SUCLG2: variants seen among roughly 807,000 people sequenced by gnomAD.
SUCLG2 encodes succinate--CoA ligase [GDP-forming] subunit beta, mitochondrial.
Under a neutral mutation model 47.9 loss-of-function variants are expected in SUCLG2, and 42 were observed. That is an observed-to-expected ratio of 0.88 (90% confidence interval 0.69 to 1.14). The LOEUF (loss-of-function observed/expected upper bound fraction) is 1.14, where lower values mean the gene tolerates loss of function less well. Ranked by LOEUF, SUCLG2 falls within the 50% of genes most tolerant of loss-of-function variation. The pLI is 0.00. For missense variants in SUCLG2, 571 were observed against 525.9 expected, an observed-to-expected ratio of 1.09 and a Z score of -0.84; for synonymous variants, 195 against 197.3, an observed-to-expected ratio of 0.99 and a Z score of 0.10.
intron 6 of SUCLG2, among the ~76,000 whole-genome samples, chr3:67,517,689 C>T (rs1167947029): frequency 1.3e-5 from 2 of 152,172 alleles, no homozygotes; most frequent in Admixed American, 1.3e-4. Context: ...TTAAGCTGTT[C>T]TCAATAAAAT....
At chr3:67,547,965 G>T (rs1264167321) in intron 2 of SUCLG2, among the ~76,000 whole-genome samples, 1 of 152,130 alleles carries the variant, frequency 6.6e-6, no homozygotes, top group Non-Finnish European at 1.5e-5. Flanking sequence ...AAACAAAATC[G>T]CCTCATTCTC....
At chr3:67,568,822 GC>G (rs1319683732) in intron 2 of SUCLG2, among the ~76,000 whole-genome samples, 5 of 152,174 alleles carry the variant, frequency 3.3e-5, no homozygotes, top group Non-Finnish European at 7.3e-5. Context: ...GGGAGGCGGA[GC>G]TTGCAGTGAG....
chr3:67,540,261 T>C (rs1346723885), intron 2 of SUCLG2, among the ~76,000 whole-genome samples: 1 of 152,052 alleles, frequency 6.6e-6, no homozygotes, highest in African/African-American at 2.4e-5. Flanking sequence ...GTACGTTGTG[T>C]CTTTGTTCTC....
Position 67,515,380 on chromosome 3 carries a change from T to TA in SUCLG2, c.660+2866dup, listed in dbSNP as rs572892341. Among the ~76,000 whole-genome samples, 551 of 152,322 alleles carry TA rather than the reference T, an allele frequency of 3.6e-3. 2 individuals carry two copies. Among genetic ancestry groups the TA allele is most frequent in the African/African-American group, 0.013 (526 of 41,576 alleles). On this transcript the variant is annotated intron_variant, in intron 6 of 10. Coordinates refer to ENST00000307227, the MANE Select transcript of SUCLG2 (RefSeq NM_003848.4). ...TACTATATTAAGCTTTCCTATGTCT[T>TA]AACGTTTTTCAACAAATTCTCACAG...
chr3:67,473,882 A>G (rs1259361506), intron 9 of SUCLG2, among the ~76,000 whole-genome samples: 1 of 152,184 alleles, frequency 6.6e-6, no homozygotes, highest in Non-Finnish European at 1.5e-5. Flanking sequence ...CTCTTCTCTG[A>G]AGGAGGCTAC....
At chr3:67,462,463 C>G (rs1215686036) in intron 9 of SUCLG2, among the ~76,000 whole-genome samples, 2 of 152,060 alleles carry the variant, frequency 1.3e-5, no homozygotes, top group African/African-American at 4.8e-5. Context: ...TCAATCATGC[C>G]CATCCAATGG....
intron 4 of SUCLG2, among the ~76,000 whole-genome samples, chr3:67,524,128 CAG>C (rs1227438163): frequency 5.9e-5 from 9 of 152,130 alleles, no homozygotes; most frequent in Admixed American, 3.3e-4. Context: ...CCGAGGATGA[CAG>C]AGTATATTAG....
At chr3:67,475,540 T>A (rs1159243193) in intron 9 of SUCLG2, among the ~76,000 whole-genome samples, 1 of 152,190 alleles carries the variant, frequency 6.6e-6, no homozygotes, top group Non-Finnish European at 1.5e-5. Flanking sequence ...TGAAATGTCC[T>A]ATTATAAGTT....
chr3:67,399,100 A>C (rs1702623345), intron 10 of SUCLG2, among the ~76,000 whole-genome samples: 1 of 151,390 alleles, frequency 6.6e-6, no homozygotes, highest in African/African-American at 2.4e-5. Flanking sequence ...GCAGCACACC[A>C]GCATGGCACA....
chr3:67,506,957 G>C (rs77215102), intron 7 of SUCLG2, among the ~76,000 whole-genome samples: 2,484 of 152,320 alleles, frequency 0.016, 68 homozygotes, highest in African/African-American at 0.057. Context: ...GCTGGACTCA[G>C]AGGGACATGG....
chr3:67,447,485 CA>C (rs1400789566), intron 9 of SUCLG2, among the ~76,000 whole-genome samples: 4 of 152,072 alleles, frequency 2.6e-5, no homozygotes, highest in African/African-American at 9.7e-5. Context: ...ATTATGCCCA[CA>C]ATCTGGGGGT....
At chr3:67,533,134 A>G (rs1191140503) in intron 2 of SUCLG2, among the ~76,000 whole-genome samples, 1 of 152,252 alleles carries the variant, frequency 6.6e-6, no homozygotes, top group Non-Finnish European at 1.5e-5. Context: ...TCAGAGCCAT[A>G]ATAGGAATCA....
intron 9 of SUCLG2, among the ~76,000 whole-genome samples, chr3:67,454,494 G>A (rs73836524): frequency 0.052 from 7,962 of 151,944 alleles, 261 homozygotes; most frequent in East Asian, 0.12. Context: ...TGCCATATTT[G>A]CTTTCTCCCT....
At position 67,360,679 on chromosome 3, in the gene SUCLG2, C is replaced by T. The variant is rs902320; in HGVS notation, c.1273G>A (p.Val425Ile). 391,808 of 1,519,890 alleles carry T rather than the reference C, an allele frequency of 0.26. 51,862 individuals carry two copies. The highest frequency in any genetic ancestry group is 0.27 in the Non-Finnish European group (302,484 of 1,136,452). The allele number at this position is 1,519,890 out of a possible 1,614,324, so 94.2% of individuals were successfully genotyped here. A position where few individuals can be genotyped will look rare whatever the true frequency, so the allele number is the denominator to read the frequency against. ...CACTTACTCAGATTTTGGTGGGCGA[C>T]GTTCTCTTGGATACCAGTTATATTC... The change falls in exon 11 of 11, where the codon GTC (valine) becomes ATC (isoleucine). Residue 425 changes from valine (V) to isoleucine (I), a missense_variant. Transcript: ENST00000493112.
intron 9 of SUCLG2, among the ~76,000 whole-genome samples, chr3:67,488,980 G>C (rs1705135301): frequency 6.6e-6 from 1 of 152,122 alleles, no homozygotes; most frequent in Non-Finnish European, 1.5e-5. Context: ...ATTAAAACCT[G>C]GATTTTGAAG....
At chr3:67,415,608 C>G (rs1703022494) in intron 9 of SUCLG2, among the ~76,000 whole-genome samples, 2 of 152,224 alleles carry the variant, frequency 1.3e-5, no homozygotes, top group South Asian at 4.1e-4. Context: ...CTCTTCTACT[C>G]TAACACCTTC....
At chr3:67,569,107 C>G (rs1213291127) in intron 2 of SUCLG2, among the ~76,000 whole-genome samples, 1 of 152,150 alleles carries the variant, frequency 6.6e-6, no homozygotes. Context: ...AATTATCAAG[C>G]TTACCAAAGC....
intron 1 of SUCLG2, among the ~76,000 whole-genome samples, chr3:67,625,366 G>A (rs1043815192): frequency 1.3e-5 from 2 of 152,160 alleles, no homozygotes; most frequent in African/African-American, 4.8e-5. Context: ...TAAAATGAAA[G>A]ATTTCTGTGA....
intron 2 of SUCLG2, among the ~76,000 whole-genome samples, chr3:67,549,620 T>G (rs1008782471): frequency 6.6e-6 from 1 of 152,202 alleles, no homozygotes; most frequent in African/African-American, 2.4e-5. Context: ...ACAATGACTA[T>G]TTATAATGAG....
Sources: gnomAD v4.1 joint callset for allele counts (sites outside exome capture counted in the v4.1 genomes callset) on GRCh38, gnomAD v4.1.1 for gene constraint, MANE v1.5 for transcripts, NCBI Gene and HGNC (gene_info 2026-07-23, HGNC 2026-07-21) for gene names.